The following BIN2 variants were observed in gnomAD, a reference collection of about 807,000 sequenced individuals.
The protein encoded by BIN2 is breast cancer associated protein BRAP1.
Under a neutral mutation model 67.9 loss-of-function variants are expected in BIN2, and 43 were observed. That is an observed-to-expected ratio of 0.63 (90% CI 0.50 to 0.82). The LOEUF (loss-of-function observed/expected upper bound fraction) is 0.82. BIN2 is among the 40% of genes least tolerant of loss of function. BIN2 has a pLI of 0.00. For synonymous variants in BIN2, 244 were observed against 246.8 expected (o/e 0.99, Z 0.11); for missense variants, 581 against 671.6 (o/e 0.87, Z 1.49).
chr12:51,291,199 A>G (rs1275173078), intron 10 of BIN2, among the ~76,000 whole-genome samples: 1 of 152,156 alleles, frequency 6.6e-6, no homozygotes, highest in Non-Finnish European at 1.5e-5. Context: ...CCCTAAAAGT[A>G]GATTACTAAA....
chr12:51,284,660 T>C, intron 12 of BIN2, 56 bp downstream of exon 12: 1 of 1,409,854 alleles, frequency 7.1e-7, no homozygotes. Context: ...TTCCAGCCTT[T>C]TCCCAAACCC....
At chr12:51,290,680 T>TCC (rs1945356920) in intron 10 of BIN2, among the ~76,000 whole-genome samples, 1 of 151,754 alleles carries the variant, frequency 6.6e-6, no homozygotes, top group African/African-American at 2.4e-5. Context: ...ACCCCTGTAA[T>TCC]CCCAGCACTT....
chr12:51,320,936 A>ACACACACACACACACAC (rs1031506424), intron 1 of BIN2, among the ~76,000 whole-genome samples: 11,142 of 138,298 alleles, frequency 0.081, 896 homozygotes, highest in Non-Finnish European at 0.11. Flanking sequence ...TCATACTAAA[A>ACACACACACACACACAC]ACACACACAC....
chr12:51,322,784 G>C (rs1946320916), intron 1 of BIN2: 1 of 116,480 alleles, frequency 8.6e-6, no homozygotes, highest in Admixed American at 8.8e-5. Flanking sequence ...AACGAAGTCT[G>C]GCTACACGAA....
rs779361581 is a variant in BIN2 at position 51,295,925 on chromosome 12, A to T, written c.679-47T>A. ...GGGATGCTAGCCAACTGGGAACCCG[A>T]GAGTGGCATATCCCTTCTCCCCTCC... On this transcript the variant is annotated intron_variant, in intron 8 of 12. Transcript: ENST00000615107. 6 of 1,485,830 alleles carry T rather than the reference A, an allele frequency of 4.0e-6. No individual in the cohort carries two copies. The Admixed American group carries it at 5.1e-5, about 13-fold the overall frequency. The allele number at this position is 1,485,830 out of a possible 1,614,324, so 92.0% of individuals were successfully genotyped here.
intron 5 of BIN2, among the ~76,000 whole-genome samples, chr12:51,300,485 T>A (rs963655786): frequency 1.3e-5 from 2 of 152,174 alleles, no homozygotes; most frequent in Admixed American, 1.3e-4. Context: ...TTTTGGAGCC[T>A]CAGTAGCCCC....
At chr12:51,288,751 CTT>C (rs11286254) in intron 10 of BIN2, among the ~76,000 whole-genome samples, 526 of 141,292 alleles carry the variant, frequency 3.7e-3, no homozygotes, top group Middle Eastern at 3.6e-3. Context: ...TATCCTAGAT[CTT>C]TTTTTTTTTT....
chr12:51,301,906 C>A (rs1162182893), intron 5 of BIN2, 114 bp downstream of exon 5: 5 of 734,418 alleles, frequency 6.8e-6, no homozygotes, highest in Non-Finnish European at 1.1e-5. Flanking sequence ...CCTAACTTAC[C>A]CAAACTTCAT....
chr12:51,304,796 C>T (rs1565682587), intron 2 of BIN2, among the ~76,000 whole-genome samples: 1 of 151,832 alleles, frequency 6.6e-6, no homozygotes, highest in Non-Finnish European at 1.5e-5. Flanking sequence ...GCGGGCGGAT[C>T]ACGAGGTCAG....
intron 1 of BIN2, chr12:51,322,685 C>G (rs1265626687): frequency 6.6e-6 from 1 of 152,092 alleles, no homozygotes; most frequent in Non-Finnish European, 1.5e-5. Context: ...GCTAGACCTT[C>G]CCATAGGCCC....
intron 11 of BIN2, among the ~76,000 whole-genome samples, chr12:51,285,419 T>C (rs897381942): frequency 1.3e-5 from 2 of 151,850 alleles, no homozygotes; most frequent in Non-Finnish European, 2.9e-5. Context: ...GAATACCCAC[T>C]GCACTCCAGC....
chr12:51,299,163 G>C (rs766712935), intron 7 of BIN2, 40 bp downstream of exon 7: 6 of 1,435,276 alleles, frequency 4.2e-6, no homozygotes, highest in Non-Finnish European at 5.9e-6. Context: ...AAGGTGCCTT[G>C]TGTGAAGCAA....
chr12:51,290,114 T>C (rs1234328004), intron 10 of BIN2, among the ~76,000 whole-genome samples: 1 of 151,592 alleles, frequency 6.6e-6, no homozygotes, highest in African/African-American at 2.4e-5. Flanking sequence ...AATTTTTTTT[T>C]AACTTTTTCT....
chr12:51,286,404 T>C (rs1945237901), intron 11 of BIN2, among the ~76,000 whole-genome samples: 1 of 152,124 alleles, frequency 6.6e-6, no homozygotes. Context: ...ATCTAAAATA[T>C]AAGGAGACAG....
intron 1 of BIN2, among the ~76,000 whole-genome samples, chr12:51,322,331 G>C (rs1452482054): frequency 6.6e-6 from 1 of 152,204 alleles, no homozygotes; most frequent in Admixed American, 6.5e-5. Flanking sequence ...TAGTGTTGAC[G>C]AGAGGCTAGA....
chr12:51,283,653 A>G (rs1945169360), intron 12 of BIN2, among the ~76,000 whole-genome samples: 1 of 152,176 alleles, frequency 6.6e-6, no homozygotes, highest in Admixed American at 6.6e-5. Flanking sequence ...AGTTTTAAAA[A>G]GAAACAGAAA....
At chr12:51,316,359 G>A (rs1275684092) in intron 1 of BIN2, among the ~76,000 whole-genome samples, 1 of 151,698 alleles carries the variant, frequency 6.6e-6, no homozygotes, top group African/African-American at 2.4e-5. Flanking sequence ...AGCCGGGAGT[G>A]GTGGCAGACG....
chr12:51,314,354 G>T (rs964564223), intron 1 of BIN2, among the ~76,000 whole-genome samples: 1 of 151,976 alleles, frequency 6.6e-6, no homozygotes, highest in Non-Finnish European at 1.5e-5. Context: ...GGCCTTGAAG[G>T]GCTGTACTCT....
intron 2 of BIN2, among the ~76,000 whole-genome samples, chr12:51,313,002 G>A (rs1030062406): frequency 6.6e-6 from 1 of 152,106 alleles, no homozygotes; most frequent in Non-Finnish European, 1.5e-5. Flanking sequence ...GGAGGCCAAG[G>A]TGGGTGGATC....
Sources: allele counts gnomAD v4.1 joint callset (sites outside exome capture counted in the v4.1 genomes callset), GRCh38; gene constraint gnomAD v4.1.1; transcripts MANE v1.5; gene names NCBI Gene and HGNC (gene_info 2026-07-23, HGNC 2026-07-21).